Variants in SNTB1 observed in about 807,000 individuals in gnomAD.
SNTB1 encodes the protein beta-1-syntrophin.
SNTB1 carries 36 observed loss-of-function variants against 48.9 expected under a neutral mutation model. That is an observed-to-expected ratio of 0.74 (90% CI 0.56 to 0.97). The LOEUF is 0.97. Among genes scored for constraint, SNTB1 ranks in the 50% least tolerant of loss-of-function variants. The probability of loss-of-function intolerance (pLI) is 0.00; values close to 1 mark genes in which losing one functional copy is unlikely to be tolerated. For synonymous variants in SNTB1, 299 were observed against 294.6 expected (o/e 1.01, Z -0.15); for missense variants, 786 against 703.4 (o/e 1.12, Z -1.33).
At chr8:120,736,944 T>C (rs977253717) in intron 1 of SNTB1, among the ~76,000 whole-genome samples, 1 of 152,204 alleles carries the variant, frequency 6.6e-6, no homozygotes, top group African/African-American at 2.4e-5. Flanking sequence ...TCTTTCCTTC[T>C]TTCTGTGTCT....
intron 1 of SNTB1, among the ~76,000 whole-genome samples, chr8:120,807,530 A>G (rs1820355265): frequency 1.3e-5 from 2 of 152,262 alleles, no homozygotes; most frequent in Admixed American, 1.3e-4. Flanking sequence ...CTTAACTGGC[A>G]GAGTTTATTC....
chr8:120,551,522 C>T (rs1480779960), intron 4 of SNTB1, among the ~76,000 whole-genome samples: 2 of 151,710 alleles, frequency 1.3e-5, no homozygotes, highest in Non-Finnish European at 2.9e-5. Flanking sequence ...AAAGTAAGGT[C>T]GTGACCATCC....
chr8:120,701,913 A>G (rs867557612), intron 1 of SNTB1, among the ~76,000 whole-genome samples: 2 of 152,236 alleles, frequency 1.3e-5, no homozygotes, highest in Non-Finnish European at 2.9e-5. Context: ...AGAAAAGATT[A>G]TCTCAAAATT....
rs113133019 is a variant in SNTB1 at position 120,696,673 on chromosome 8, A to G, written c.572-2765T>C. ...CTAGAAAGAAATGCCTTGTAGGGCTATTCTTATTGAAGTGAACACTAGCAG... is the reference window on the plus strand; with the variant it reads ...CTAGAAAGAAATGCCTTGTAGGGCTGTTCTTATTGAAGTGAACACTAGCAG... On this transcript the variant is annotated intron_variant, in intron 1 of 6. Coordinates refer to ENST00000517992, the MANE Select transcript of SNTB1 (RefSeq NM_021021.4). 6.7e-3 allele frequency among the ~76,000 whole-genome samples: 1,024 copies of G among 152,320 alleles called. 16 individuals carry two copies. In the Middle Eastern group the frequency reaches 0.095, roughly 14 times the overall value.
rs2130638430 is a variant in SNTB1 at position 120,538,210 on chromosome 8, T to C, written c.*667A>G. ...CTACTTTGGCTCAGATTCTACCAGCTTACAGCTCAGATCAGTATCTGATGC... is the reference window on the plus strand; with the variant it reads ...CTACTTTGGCTCAGATTCTACCAGCCTACAGCTCAGATCAGTATCTGATGC... On this transcript the variant is annotated 3_prime_UTR_variant, in exon 7 of 7. Coordinates refer to ENST00000517992, the MANE Select transcript of SNTB1 (RefSeq NM_021021.4). 6.3e-6 allele frequency: 1 copy of C among 159,818 alleles called. No homozygotes were observed. The highest frequency in any genetic ancestry group is 2.4e-5 in the African/African-American group (1 of 41,724). 9.9% of individuals were successfully genotyped at this position (159,818 alleles called of 1,614,324 possible). A position where few individuals can be genotyped will look rare whatever the true frequency, so the allele number is the denominator to read the frequency against.
At chr8:120,710,311 G>A (rs1818442349) in intron 1 of SNTB1, among the ~76,000 whole-genome samples, 1 of 152,298 alleles carries the variant, frequency 6.6e-6, no homozygotes, top group Admixed American at 6.5e-5. Context: ...TGGCTTATTT[G>A]AGTACCAGTA....
intron 2 of SNTB1, among the ~76,000 whole-genome samples, chr8:120,654,001 C>T (rs1232739004): frequency 1.6e-5 from 2 of 126,740 alleles, no homozygotes; most frequent in East Asian, 4.8e-4. Flanking sequence ...GATGGCGCCA[C>T]TGCACTCCAG....
intron 4 of SNTB1, among the ~76,000 whole-genome samples, chr8:120,569,568 G>A (rs552781164): frequency 9.2e-5 from 14 of 152,304 alleles, no homozygotes; most frequent in South Asian, 8.3e-4. Flanking sequence ...AAGAGCCTGC[G>A]AGACGACATC....
rs1305699751 is a variant in SNTB1 at position 120,541,878 on chromosome 8, G to A, written c.1456C>T (p.Leu486Phe). The A allele has an allele frequency of 5.6e-6, 9 of 1,613,794 alleles. No individual in the cohort carries two copies. The African/African-American group carries it at 1.1e-4, about 19-fold the overall frequency. ...ATTCCATCATCTGAAGACATTTTGA[G>A]CTTTTCATAAGGAGACTGTATGATG... is the stretch of plus-strand genomic sequence containing the variant. ...KTIIQSPYEK[L>F]KMSSDDGIRM... The change falls in exon 6 of 7, where the codon CTC (leucine) becomes TTC (phenylalanine). Residue 486 changes from leucine to phenylalanine, a missense_variant. Leu to Phe is a conservative substitution (Grantham distance 22). Transcript: ENST00000517992.
chr8:120,546,391 C>T (rs1011125070), intron 5 of SNTB1, among the ~76,000 whole-genome samples: 2 of 152,150 alleles, frequency 1.3e-5, no homozygotes, highest in African/African-American at 4.8e-5. Flanking sequence ...TGGAGTACAA[C>T]TTAGCAAATG....
intron 1 of SNTB1, among the ~76,000 whole-genome samples, chr8:120,712,327 A>G (rs1056579255): frequency 2.0e-5 from 3 of 150,366 alleles, no homozygotes; most frequent in African/African-American, 7.3e-5. Flanking sequence ...AGGCAGGAGA[A>G]TGGCATGAAC....
intron 4 of SNTB1, among the ~76,000 whole-genome samples, chr8:120,564,735 A>T (rs1023665367): frequency 2.0e-5 from 3 of 151,184 alleles, no homozygotes; most frequent in African/African-American, 7.3e-5. Context: ...TGCCTGGCTA[A>T]TTTTTTTGTA....
At chr8:120,790,176 A>G (rs1320968429) in intron 1 of SNTB1, among the ~76,000 whole-genome samples, 2 of 152,078 alleles carry the variant, frequency 1.3e-5, no homozygotes, top group Non-Finnish European at 2.9e-5. Flanking sequence ...AGCATTCAAT[A>G]AAATCCAGCA....
At chr8:120,540,901 A>G (rs1218740326) in intron 6 of SNTB1, among the ~76,000 whole-genome samples, 2 of 152,176 alleles carry the variant, frequency 1.3e-5, no homozygotes, top group Non-Finnish European at 2.9e-5. Context: ...AAAAGTCCCT[A>G]GGGTCTGTTA....
chr8:120,781,072 G>T (rs1355592180), intron 1 of SNTB1, among the ~76,000 whole-genome samples: 1 of 152,096 alleles, frequency 6.6e-6, no homozygotes, highest in Non-Finnish European at 1.5e-5. Flanking sequence ...GCTCAAATTA[G>T]ATCCATAGAG....
At chr8:120,695,416 G>T (rs912537040) in intron 1 of SNTB1, among the ~76,000 whole-genome samples, 2 of 152,132 alleles carry the variant, frequency 1.3e-5, no homozygotes, top group African/African-American at 4.8e-5. Context: ...TGTGTGTTGG[G>T]TGAGAACAAC....
intron 3 of SNTB1, among the ~76,000 whole-genome samples, chr8:120,593,067 C>CA (rs1042799231): frequency 1.4e-4 from 21 of 151,948 alleles, no homozygotes; most frequent in African/African-American, 5.1e-4. Context: ...AAAACAAAAA[C>CA]AAAAAAACTC....
intron 1 of SNTB1, among the ~76,000 whole-genome samples, chr8:120,792,925 C>T (rs928053325): frequency 2.6e-5 from 4 of 151,872 alleles, no homozygotes; most frequent in African/African-American, 4.8e-5. Flanking sequence ...TATGGTTCTC[C>T]CTGACTCTAA....
rs890794918 is a variant in SNTB1 at position 120,790,806 on chromosome 8, A to T, written c.571+20467T>A. Among the ~76,000 whole-genome samples, 7 of 151,842 alleles carry T rather than the reference A, an allele frequency of 4.6e-5. No individual in the cohort carries two copies. The East Asian group carries it at 9.6e-4, about 21-fold the overall frequency. On this transcript the variant is annotated intron_variant, in intron 1 of 6. Coordinates refer to ENST00000517992, the MANE Select transcript of SNTB1 (RefSeq NM_021021.4). Reference sequence around the variant, plus strand: ...GGAAGAATCGGTATCATGAAAATGGACATACTGCCCAAAGCAATCTACAGA... The same window carrying T: ...GGAAGAATCGGTATCATGAAAATGGTCATACTGCCCAAAGCAATCTACAGA...
Sources: gnomAD v4.1 joint callset for allele counts (sites outside exome capture counted in the v4.1 genomes callset) on GRCh38, gnomAD v4.1.1 for gene constraint, MANE v1.5 for transcripts, NCBI Gene and HGNC (gene_info 2026-07-23, HGNC 2026-07-21) for gene names.